Variants in VPS50 observed in about 807,000 individuals in gnomAD.
The protein encoded by VPS50 is syndetin.
In VPS50, 70 loss-of-function variants were observed where a neutral mutation model predicts 139.7. That is an observed-to-expected ratio of 0.50 (90% CI 0.41 to 0.61). VPS50 has a LOEUF of 0.61. Ranked by LOEUF, VPS50 falls within the 20% of genes least tolerant of loss-of-function variation. The pLI is 0.00. For synonymous variants in VPS50, 365 were observed against 376.7 expected, an observed-to-expected ratio of 0.97 and a Z score of 0.36; for missense variants, 921 against 1,133.7, an observed-to-expected ratio of 0.81 and a Z score of 2.69.
intron 14 of VPS50, among the ~76,000 whole-genome samples, chr7:93,296,404 G>T (rs1463468996): frequency 6.6e-6 from 1 of 152,224 alleles, no homozygotes; most frequent in East Asian, 1.9e-4. Flanking sequence ...ATTTGTTTCT[G>T]ACTTAGTCTC....
At position 93,257,330 on chromosome 7, in the gene VPS50, C is replaced by T. The variant is rs560225911; in HGVS notation, c.352-64C>T. ...TCTGACTAGAGTTTTTGTTAGAGTA[C>T]TATATAAATAAGAAAGAAAAATAAA... On this transcript the variant is annotated intron_variant, in intron 5 of 27. Coordinates refer to ENST00000305866, the MANE Select transcript of VPS50 (RefSeq NM_017667.4). 2,135 of 945,872 alleles carry T rather than the reference C, an allele frequency of 2.3e-3. 6 individuals are homozygous for T. The highest frequency in any genetic ancestry group is 3.1e-3 in the Non-Finnish European group (1,828 of 591,912). The allele number at this position is 945,872 out of a possible 1,614,324, so 58.6% of individuals were successfully genotyped here.
intron 2 of VPS50, among the ~76,000 whole-genome samples, chr7:93,251,469 G>T (rs1274234152): frequency 8.1e-6 from 1 of 123,210 alleles, no homozygotes; most frequent in African/African-American, 3.1e-5. Flanking sequence ...AGTGGGAGTT[G>T]AACAATGAGA....
At chr7:93,333,236 A>T (rs1472231699) in intron 21 of VPS50, among the ~76,000 whole-genome samples, 1 of 151,352 alleles carries the variant, frequency 6.6e-6, no homozygotes, top group Admixed American at 6.6e-5. Context: ...TTTTCACGTA[A>T]GACTCTCTGA....
At chr7:93,294,384 C>T (rs1270117296) in intron 13 of VPS50, among the ~76,000 whole-genome samples, 161 bp from the exon 14 acceptor site, 1 of 152,052 alleles carries the variant, frequency 6.6e-6, no homozygotes, top group Non-Finnish European at 1.5e-5. Flanking sequence ...GGGTTTAAGT[C>T]TAATACCTAT....
intron 25 of VPS50, among the ~76,000 whole-genome samples, chr7:93,353,439 T>C (rs1798612879): frequency 1.3e-5 from 2 of 152,238 alleles, no homozygotes; most frequent in South Asian, 4.1e-4. Flanking sequence ...CTCTGTACTA[T>C]AACATAATCT....
chr7:93,305,011 G>A (rs1797076377), intron 17 of VPS50, among the ~76,000 whole-genome samples: 1 of 151,850 alleles, frequency 6.6e-6, no homozygotes, highest in African/African-American at 2.4e-5. Context: ...TACCTTTGAA[G>A]AATATCATTG....
chr7:93,233,614 A>C (rs1322601496), intron 1 of VPS50, among the ~76,000 whole-genome samples: 2 of 152,228 alleles, frequency 1.3e-5, no homozygotes, highest in African/African-American at 2.4e-5. Flanking sequence ...AATATAATCA[A>C]AATGTTCTGT....
intron 14 of VPS50, among the ~76,000 whole-genome samples, chr7:93,295,706 T>TTTTC (rs1362028980): frequency 5.3e-5 from 8 of 152,128 alleles, no homozygotes; most frequent in African/African-American, 1.2e-4. Flanking sequence ...CCATCTTTTT[T>TTTTC]TTTCTTTCTT....
chr7:93,303,049 G>GT (rs1797023338), intron 16 of VPS50, among the ~76,000 whole-genome samples: 1 of 151,914 alleles, frequency 6.6e-6, no homozygotes, highest in African/African-American at 2.4e-5. Flanking sequence ...GACCTGTGCT[G>GT]TTTAACATAA....
At chr7:93,253,802 A>G in intron 3 of VPS50, 58 bp from the exon 4 acceptor site, 1 of 1,018,226 alleles carries the variant, frequency 9.8e-7, no homozygotes, top group Non-Finnish European at 1.5e-6. Context: ...GTCCAGGTAA[A>G]TGAAACCAAA....
chr7:93,287,809 GT>G (rs1796534946), intron 12 of VPS50, among the ~76,000 whole-genome samples: 1 of 152,046 alleles, frequency 6.6e-6, no homozygotes. Context: ...CTTGGAAAAG[GT>G]TTTTAGTCTT....
chr7:93,259,608 CTT>C lies in VPS50; in HGVS notation c.638_639del (p.Phe213Ter). On this transcript the variant is annotated frameshift_variant, in exon 9 of 28. Transcript: ENST00000305866. LOFTEE classifies it high-confidence loss of function. ...CTTGAATGTCAAAAAGCTGCCAGCA[CTT>C]TTAAACATTACAGTTGTATAAGGTA... is the stretch of plus-strand genomic sequence containing the variant. The C allele has an allele frequency of 6.3e-7, 1 of 1,593,302 alleles. No homozygotes were observed. Among genetic ancestry groups the C allele is most frequent in the Non-Finnish European group, 8.6e-7 (1 of 1,161,684 alleles).
chr7:93,288,698 ATAT>A, intron 12 of VPS50, among the ~76,000 whole-genome samples: 1 of 152,136 alleles, frequency 6.6e-6, no homozygotes, highest in Non-Finnish European at 1.5e-5. Context: ...TAATCAGAAG[ATAT>A]TATTGTAATA....
intron 8 of VPS50, among the ~76,000 whole-genome samples, chr7:93,258,679 C>T (rs1365429355): frequency 2.0e-5 from 3 of 151,926 alleles, no homozygotes; most frequent in African/African-American, 4.8e-5. Context: ...AAATTAACAT[C>T]TTTTTCATCT....
At chr7:93,273,934 G>A (rs565379444) in intron 11 of VPS50, among the ~76,000 whole-genome samples, 10 of 152,028 alleles carry the variant, frequency 6.6e-5, no homozygotes, top group Non-Finnish European at 1.5e-4. Context: ...TATCTGGGAT[G>A]GTGATCTGTG....
chr7:93,358,541 T>A lies in VPS50; in HGVS notation c.*105T>A. ...CTGACAACTATCTGCTAAGAAAACTTTGTGCATGTTTTTTTGACTGGAAAG... is the reference window on the plus strand; with the variant it reads ...CTGACAACTATCTGCTAAGAAAACTATGTGCATGTTTTTTTGACTGGAAAG... On this transcript the variant is annotated 3_prime_UTR_variant, in exon 28 of 28. Coordinates refer to ENST00000305866, the MANE Select transcript of VPS50 (RefSeq NM_017667.4). 1.1e-6 allele frequency: 1 copy of A among 925,220 alleles called. No homozygotes were observed. Among genetic ancestry groups the A allele is most frequent in the Non-Finnish European group, 1.7e-6 (1 of 601,682 alleles). The allele number at this position is 925,220 out of a possible 1,614,324, so 57.3% of individuals were successfully genotyped here. A position where few individuals can be genotyped will look rare whatever the true frequency, so the allele number is the denominator to read the frequency against.
chr7:93,347,973 A>C (rs1207616738), intron 23 of VPS50, among the ~76,000 whole-genome samples: 2 of 151,926 alleles, frequency 1.3e-5, no homozygotes, highest in African/African-American at 4.8e-5. Context: ...AAAGTATTAT[A>C]ATAATAATAA....
intron 12 of VPS50, among the ~76,000 whole-genome samples, chr7:93,283,659 A>G (rs1796396600): frequency 1.3e-5 from 2 of 152,230 alleles, no homozygotes; most frequent in Non-Finnish European, 2.9e-5. Context: ...TCAGAGGTAG[A>G]ATAAGAAAAG....
intron 2 of VPS50, among the ~76,000 whole-genome samples, chr7:93,242,330 G>A (rs1795017715): frequency 6.6e-6 from 1 of 151,736 alleles, no homozygotes; most frequent in Non-Finnish European, 1.5e-5. Context: ...AAGGAAACAG[G>A]GCGATGAGAT....
Sources: gnomAD v4.1 joint callset for allele counts (sites outside exome capture counted in the v4.1 genomes callset) on GRCh38, gnomAD v4.1.1 for gene constraint, MANE v1.5 for transcripts, NCBI Gene and HGNC (gene_info 2026-07-23, HGNC 2026-07-21) for gene names.